TAS2R1: variants seen among roughly 807,000 people sequenced by gnomAD.
TAS2R1 encodes taste 2 receptor member 1, also known as taste receptor type 2 member 1.
For missense variants in TAS2R1, 370 were observed against 353.4 expected, an observed-to-expected ratio of 1.05 and a Z score of -0.38; for synonymous variants, 141 against 134.2, an observed-to-expected ratio of 1.05 and a Z score of -0.35.
chr5:9,760,025 T>A, the TAS2R1 span, among the ~76,000 whole-genome samples: 1 of 152,188 alleles, frequency 6.6e-6, no homozygotes, highest in South Asian at 2.1e-4. Context: ...AGAGGGGTCA[T>A]AACTACCAGT....
At chr5:9,675,902 T>A (rs956152024) in intron 1 of TAS2R1, among the ~76,000 whole-genome samples, 17 of 152,172 alleles carry the variant, frequency 1.1e-4, no homozygotes, top group Admixed American at 9.2e-4. Flanking sequence ...TTGAATTAAG[T>A]GGTACGAGTG....
the TAS2R1 span, among the ~76,000 whole-genome samples, chr5:9,779,394 T>C: frequency 1.3e-5 from 2 of 152,224 alleles, no homozygotes. Flanking sequence ...TATTCCTTTA[T>C]AGCAACAAAA....
At chr5:9,837,904 T>G in the TAS2R1 span, among the ~76,000 whole-genome samples, 11 of 152,198 alleles carry the variant, frequency 7.2e-5, no homozygotes, top group East Asian at 1.5e-3. Flanking sequence ...AGGCACTGAA[T>G]GGATGCCTGC....
upstream of TAS2R1, among the ~76,000 whole-genome samples, chr5:9,716,169 C>G (rs557579351): frequency 6.6e-6 from 1 of 152,252 alleles, no homozygotes; most frequent in East Asian, 1.9e-4. Flanking sequence ...CTTCAACCAG[C>G]CTGGTCACTG....
intron 1 of TAS2R1, among the ~76,000 whole-genome samples, chr5:9,688,691 G>A (rs1039441764): frequency 1.3e-5 from 2 of 152,162 alleles, no homozygotes; most frequent in Non-Finnish European, 2.9e-5. Flanking sequence ...ACCTCCACGG[G>A]CCATGCACAG....
At chr5:9,882,070 C>T in the TAS2R1 span, among the ~76,000 whole-genome samples, 21 of 152,294 alleles carry the variant, frequency 1.4e-4, no homozygotes, top group Admixed American at 4.6e-4. Context: ...AGTGAACAGA[C>T]AACCTACAGA....
At chr5:9,889,019 T>C in the TAS2R1 span, among the ~76,000 whole-genome samples, 1 of 152,234 alleles carries the variant, frequency 6.6e-6, no homozygotes, top group African/African-American at 2.4e-5. Context: ...AGATTTGAGT[T>C]TGCACTCCCA....
chr5:9,659,374 G>A (rs941870446), intron 2 of TAS2R1: 6 of 152,064 alleles, frequency 3.9e-5, no homozygotes, highest in African/African-American at 1.4e-4. Flanking sequence ...GCTGCCCTAG[G>A]GAGAAGAATG....
At chr5:9,760,883 T>C in the TAS2R1 span, 2 of 152,250 alleles carry the variant, frequency 1.3e-5, no homozygotes, top group African/African-American at 4.8e-5. Context: ...GTTATACAGA[T>C]TGGAAAGAAA....
the TAS2R1 span, among the ~76,000 whole-genome samples, chr5:9,825,853 T>C: frequency 6.6e-6 from 1 of 152,192 alleles, no homozygotes; most frequent in African/African-American, 2.4e-5. Flanking sequence ...CTGAGAAACC[T>C]TCCTTGCTTT....
the TAS2R1 span, among the ~76,000 whole-genome samples, chr5:9,818,838 C>G: frequency 6.6e-6 from 1 of 152,176 alleles, no homozygotes; most frequent in Admixed American, 6.5e-5. Context: ...GGGAAACATG[C>G]TTGGAAGCAA....
At chr5:9,742,970 A>G in the TAS2R1 span, among the ~76,000 whole-genome samples, 13 of 152,172 alleles carry the variant, frequency 8.5e-5, no homozygotes, top group African/African-American at 3.1e-4. Context: ...AAGCATGATG[A>G]ATAACTGATC....
At chr5:9,901,218 A>G in the TAS2R1 span, among the ~76,000 whole-genome samples, 2 of 152,098 alleles carry the variant, frequency 1.3e-5, no homozygotes, top group Non-Finnish European at 2.9e-5. Flanking sequence ...AGCTCAATAC[A>G]AATGAATGTC....
the TAS2R1 span, among the ~76,000 whole-genome samples, chr5:9,801,482 G>T: frequency 6.6e-6 from 1 of 152,210 alleles, no homozygotes; most frequent in Non-Finnish European, 1.5e-5. Context: ...ATAAACTTTG[G>T]CTCCAAGAAC....
intron 2 of TAS2R1, among the ~76,000 whole-genome samples, chr5:9,652,871 T>C (rs1740333766): frequency 1.3e-5 from 2 of 152,206 alleles, no homozygotes; most frequent in Non-Finnish European, 2.9e-5. Flanking sequence ...ATTATTTTAA[T>C]TGTGGTAAAA....
At chr5:9,880,352 A>G in the TAS2R1 span, among the ~76,000 whole-genome samples, 1 of 152,148 alleles carries the variant, frequency 6.6e-6, no homozygotes, top group African/African-American at 2.4e-5. Flanking sequence ...GGTACATCAG[A>G]AGGAGAAAGA....
chr5:9,847,331 C>A, the TAS2R1 span, among the ~76,000 whole-genome samples: 2 of 152,114 alleles, frequency 1.3e-5, no homozygotes, highest in African/African-American at 2.4e-5. Context: ...TAAAAAAGTT[C>A]TTTGGGTTTC....
chr5:9,736,410 G>A, the TAS2R1 span, among the ~76,000 whole-genome samples: 5 of 152,302 alleles, frequency 3.3e-5, no homozygotes, highest in South Asian at 1.0e-3. Flanking sequence ...CTTGTGAAGT[G>A]GACCAGAAGT....
chr5:9,789,977 G>A, the TAS2R1 span, among the ~76,000 whole-genome samples: 1 of 152,252 alleles, frequency 6.6e-6, no homozygotes, highest in East Asian at 1.9e-4. Context: ...AGAAGAGTGT[G>A]ATGGCTCCTA....
Sources: gnomAD v4.1 joint callset for allele counts (sites outside exome capture counted in the v4.1 genomes callset) on GRCh38, gnomAD v4.1.1 for gene constraint, MANE v1.5 for transcripts, NCBI Gene and HGNC (gene_info 2026-07-23, HGNC 2026-07-21) for gene names.